SPOCD1: variants seen among roughly 807,000 people sequenced by gnomAD.
SPOCD1 encodes the protein SPOC domain containing 1.
Under a neutral mutation model 92.2 loss-of-function variants are expected in SPOCD1, and 64 were observed. That is an observed-to-expected ratio of 0.69 (90% CI 0.57 to 0.86). The LOEUF (loss-of-function observed/expected upper bound fraction) is 0.86. Among genes scored for constraint, SPOCD1 ranks in the 40% least tolerant of loss-of-function variants. The pLI is 0.00. For synonymous variants in SPOCD1, 578 were observed against 619.3 expected (o/e 0.93, Z 0.99); for missense variants, 1,360 against 1,543.1 (o/e 0.88, Z 1.99).
chr1:31,807,297 G>A (rs1648885600), intron 2 of SPOCD1, among the ~76,000 whole-genome samples: 1 of 140,308 alleles, frequency 7.1e-6, no homozygotes, highest in Non-Finnish European at 1.5e-5. Flanking sequence ...GCTGAGGCAT[G>A]GGAATTGCTT....
At chr1:31,804,582 A>G (rs965883942) in intron 2 of SPOCD1, among the ~76,000 whole-genome samples, 6 of 152,268 alleles carry the variant, frequency 3.9e-5, no homozygotes, top group African/African-American at 1.4e-4. Flanking sequence ...GATACTGTAG[A>G]GAAAAATCAA....
At chr1:31,800,195 TCCCTCCCCAGATGTACTGGAGGCCCAGC>T in intron 4 of SPOCD1, 54 bp from the exon 5 acceptor site, 1 of 1,532,286 alleles carries the variant, frequency 6.5e-7, no homozygotes. Flanking sequence ...CAGGGACTGT[TCCCTCCCCAGATGTACTGGAGGCCCAGC>T]CCCTCCCTCC....
At chr1:31,813,835 G>A in intron 2 of SPOCD1, 116 bp downstream of exon 2, 1 of 920,844 alleles carries the variant, frequency 1.1e-6, no homozygotes, top group Non-Finnish European at 1.5e-6. Context: ...TAATAGGGAT[G>A]TGAGAATGTT....
chr1:31,798,733 G>A lies in SPOCD1; in HGVS notation c.1869-132C>T. The A allele has an allele frequency of 2.1e-6, 2 of 942,034 alleles. No homozygotes were observed. Among genetic ancestry groups the A allele is most frequent in the Non-Finnish European group, 3.1e-6 (2 of 637,760 alleles). 58.4% of individuals were successfully genotyped at this position (942,034 alleles called of 1,614,324 possible). A position where few individuals can be genotyped will look rare whatever the true frequency, so the allele number is the denominator to read the frequency against. Reference sequence around the variant, plus strand: ...TCCTGTCGTGGGTGTTTCCCTGCAGGAACCTACTTATTCTCACCCCAACTC... The same window carrying A: ...TCCTGTCGTGGGTGTTTCCCTGCAGAAACCTACTTATTCTCACCCCAACTC... On this transcript the variant is annotated intron_variant, in intron 7 of 15. Transcript: ENST00000360482. The surrounding 1 kb of genome is among the most constrained non-coding windows in gnomAD (Gnocchi z 4.1).
Position 31,814,248 on chromosome 1 carries a change from C to A in SPOCD1, c.1086G>T (p.Glu362Asp). ...CTGGCTGAGCCTTGGCCTCCAGCTC[C>A]TCCTGGTCCTGTGCTGGAGCCTGGC... is the stretch of plus-strand genomic sequence containing the variant. Reference protein sequence around the residue: ...DEGQAPAQDQEELEAKAQPAS... With the variant: ...DEGQAPAQDQDELEAKAQPAS... Residue 362 changes from glutamate (E) to aspartate (D), a missense_variant, in exon 2 of 16, where the codon GAG (glutamate) becomes GAT (aspartate). Coordinates refer to ENST00000360482, the MANE Select transcript of SPOCD1 (RefSeq NM_144569.7). This position sits in a 1 kb window ranked among gnomAD's most constrained non-coding sequence, Gnocchi z 4.2. 6.3e-7 allele frequency: 1 copy of A among 1,583,818 alleles called. No individual in the cohort carries two copies. The highest frequency in any genetic ancestry group is 8.6e-7 in the Non-Finnish European group (1 of 1,164,418).
Position 31,791,302 on chromosome 1 carries a change from G to T in SPOCD1, c.2963-11C>A. The T allele has an allele frequency of 6.7e-7, 1 of 1,503,420 alleles. No homozygotes were observed. The highest frequency in any genetic ancestry group is 1.4e-5 in the South Asian group (1 of 73,342). The allele number at this position is 1,503,420 out of a possible 1,614,324, so 93.1% of individuals were successfully genotyped here. On this transcript the variant is annotated splice_polypyrimidine_tract_variant and intron_variant, in intron 15 of 15. Transcript: ENST00000360482. ...GAAGAGCCCAAAGGCCTGCGGGGAA[G>T]AACTGTGTTCAGCTTAGCTGCAGCA...
chr1:31,806,912 T>C (rs905647033), intron 2 of SPOCD1, among the ~76,000 whole-genome samples: 10 of 152,172 alleles, frequency 6.6e-5, no homozygotes, highest in Non-Finnish European at 8.8e-5. Context: ...AAATTCAGTG[T>C]ATATTTTACA....
At chr1:31,806,553 T>C (rs867219334) in intron 2 of SPOCD1, among the ~76,000 whole-genome samples, 9 of 152,214 alleles carry the variant, frequency 5.9e-5, no homozygotes, top group Non-Finnish European at 1.0e-4. Flanking sequence ...AAAACTTTTT[T>C]TTTTTTTTTG....
At position 31,804,925 on chromosome 1, in the gene SPOCD1, A is replaced by C. The variant is rs528190983; in HGVS notation, c.1384-3220T>G. Among the ~76,000 whole-genome samples the C allele has an allele frequency of 2.1e-3, 311 of 150,280 alleles. 2 individuals carry two copies. Among genetic ancestry groups the C allele is most frequent in the African/African-American group, 7.4e-3 (300 of 40,790 alleles). ...TTGGAGTAAGACAAAGATTGTAACT[A>C]CCTTTATACTTTGATAAGTTAGTTA... On this transcript the variant is annotated intron_variant, in intron 2 of 15. Coordinates refer to ENST00000360482, the MANE Select transcript of SPOCD1 (RefSeq NM_144569.7).
In SPOCD1 at chr1:31,793,835, T is replaced by C. The variant is rs754051819; in HGVS notation, c.2446A>G (p.Ile816Val). The change falls in exon 12 of 16, where the codon ATC becomes GTC. Residue 816 changes from isoleucine to valine, a missense_variant. Transcript: ENST00000360482. The part of the protein sequence containing the change: ...FEAAKSCGDN[I>V]FQKALSQTPM... ...GTTTGGCTTAGGGCTTTCTGGAAGA[T>C]ATTGTCCCCGCAGCTCTTGGCGGCT... 2 of 1,614,072 alleles carry C rather than the reference T, an allele frequency of 1.2e-6. No homozygotes were observed. The highest frequency in any genetic ancestry group is 3.3e-5 in the Admixed American group (2 of 60,002).
intron 2 of SPOCD1, 78 bp downstream of exon 2, chr1:31,813,872 TA>T (rs1390413003): frequency 2.3e-6 from 3 of 1,317,618 alleles, no homozygotes; most frequent in Non-Finnish European, 3.0e-6. Flanking sequence ...AGCTTAGCTT[TA>T]TTAAATTCCA....
intron 15 of SPOCD1, among the ~76,000 whole-genome samples, chr1:31,791,517 T>C (rs1031228411): frequency 6.6e-6 from 1 of 152,138 alleles, no homozygotes; most frequent in Non-Finnish European, 1.5e-5. Context: ...GTCTACCTCA[T>C]TGTCTCAGGA....
At chr1:31,802,063 G>A (rs866186573) in intron 2 of SPOCD1, among the ~76,000 whole-genome samples, 4 of 152,278 alleles carry the variant, frequency 2.6e-5, no homozygotes, top group Non-Finnish European at 2.9e-5. Flanking sequence ...AGCTACTCGG[G>A]AGGCTGAGGC....
At chr1:31,805,068 A>G (rs1648730398) in intron 2 of SPOCD1, among the ~76,000 whole-genome samples, 1 of 138,566 alleles carries the variant, frequency 7.2e-6, no homozygotes, top group African/African-American at 2.7e-5. Context: ...TGCAACCTCC[A>G]CTTCCCGGGT....
At position 31,796,593 on chromosome 1, in the gene SPOCD1, C is replaced by T. The variant is rs1480960897; in HGVS notation, c.2268G>A (p.Leu756=). 6 of 1,614,274 alleles carry T rather than the reference C, an allele frequency of 3.7e-6. No individual in the cohort carries two copies. Among genetic ancestry groups the T allele is most frequent in the Non-Finnish European group, 1.7e-6 (2 of 1,180,054 alleles). The change falls in exon 10 of 16, where the codon CTG becomes CTA. Residue 756 remains leucine, a synonymous_variant. Transcript: ENST00000360482. ...CCAGGTCAGGCTCCAACTTAACCAC[C>T]AGATCCTCCAGGGTCAGTGTCTGGT... The part of the protein sequence containing the change: ...DMDQTLTLED[L]VGPQMFMDCS...
rs746307673 is a variant in SPOCD1 at position 31,815,203 on chromosome 1, C to T, written c.131G>A (p.Gly44Glu). The change falls in exon 2 of 16, where the codon GGA (glycine) becomes GAA (glutamate). Residue 44 changes from glycine to glutamate, a missense_variant. Physicochemically the swap from Gly to Glu is moderately conservative, Grantham distance 98. Transcript: ENST00000360482. ...CCTGACTCCGGGCCCAGAGCTTGCT[C>T]CCGGCCCATCTGGTGACAGGCCTGG... The part of the protein sequence containing the change: ...SMPGLSPDGP[G>E]ASSGPGVRAG... The T allele has an allele frequency of 6.2e-7, 1 of 1,608,426 alleles. No homozygotes were observed. Among genetic ancestry groups the T allele is most frequent in the South Asian group, 1.1e-5 (1 of 90,980 alleles).
intron 13 of SPOCD1, 88 bp downstream of exon 13, chr1:31,793,190 G>C (rs1647729360): frequency 6.9e-7 from 1 of 1,439,658 alleles, no homozygotes; most frequent in Non-Finnish European, 9.3e-7. Flanking sequence ...AATTGTTTTA[G>C]AATGCATGAG....
chr1:31,794,014 C>T, intron 11 of SPOCD1, 110 bp downstream of exon 11: 2 of 1,507,048 alleles, frequency 1.3e-6, no homozygotes, highest in South Asian at 1.2e-5. Flanking sequence ...GGCACGGGCA[C>T]CCCTGCTCTG....
rs1264158270 is a variant in SPOCD1, at chr1:31,790,956, G to A, written c.3298C>T (p.Pro1100Ser). ...CGCCCAGGATGCTGCCAGTTTTCAG[G>A]CTCTGGCCAGAGCCTCCCCCTGCCT... ...PRGRGRLWPEPENWQHPGRGQ... is the reference protein window; with the variant it reads ...PRGRGRLWPESENWQHPGRGQ... The change falls in exon 16 of 16, where the codon CCT becomes TCT. Residue 1100 changes from proline to serine, a missense_variant. Coordinates refer to ENST00000360482, the MANE Select transcript of SPOCD1 (RefSeq NM_144569.7). The A allele has an allele frequency of 1.3e-6, 2 of 1,569,914 alleles. No individual in the cohort carries two copies. The highest frequency in any genetic ancestry group is 1.7e-6 in the Non-Finnish European group (2 of 1,160,258).
Sources: allele counts gnomAD v4.1 joint callset (sites outside exome capture counted in the v4.1 genomes callset), GRCh38; gene constraint gnomAD v4.1.1; non-coding constraint Gnocchi (gnomAD v3.1); transcripts MANE v1.5; gene names NCBI Gene and HGNC (gene_info 2026-07-23, HGNC 2026-07-21).